The following C8orf82 variants were observed in gnomAD, a reference collection of about 807,000 sequenced individuals.
C8orf82 encodes the protein chromosome 8 open reading frame 82.
A neutral mutation model predicts 15.0 loss-of-function variants in C8orf82; 24 were observed. The observed-to-expected ratio is 1.60, with a 90% CI of 1.16 to 2.24. The LOEUF (loss-of-function observed/expected upper bound fraction) is 2.24, where lower values mean the gene tolerates loss of function less well. C8orf82 is among the 30% of genes most tolerant of loss of function. The pLI is 0.00. For synonymous variants in C8orf82, 205 were observed against 152.2 expected, an observed-to-expected ratio of 1.35 and a Z score of -2.55; for missense variants, 388 against 317.4, an observed-to-expected ratio of 1.22 and a Z score of -1.69.
At position 144,527,198 on chromosome 8, in the gene C8orf82, G is replaced by T. The variant is rs1816396987; in HGVS notation, c.*144C>A. ...AGGGCCGGGCCGCGGCAGCACCAAGGACAGCGCCGGGTGGGGGCGGGGCCG... is the reference window on the plus strand; with the variant it reads ...AGGGCCGGGCCGCGGCAGCACCAAGTACAGCGCCGGGTGGGGGCGGGGCCG... On this transcript the variant is annotated 3_prime_UTR_variant, in exon 3 of 3. Coordinates refer to ENST00000524821, the MANE Select transcript of C8orf82 (RefSeq NM_001001795.2). 1 of 490,784 alleles carries T rather than the reference G, an allele frequency of 2.0e-6. No individual in the cohort carries two copies. Among genetic ancestry groups the T allele is most frequent in the Non-Finnish European group, 2.9e-6 (1 of 348,220 alleles). The allele number at this position is 490,784 out of a possible 1,614,324, so 30.4% of individuals were successfully genotyped here. A position where few individuals can be genotyped will look rare whatever the true frequency, so the allele number is the denominator to read the frequency against.
Position 144,528,084 on chromosome 8 carries a change from G to A in C8orf82, c.157-12C>T, listed in dbSNP as rs750837185. The A allele has an allele frequency of 1.9e-6, 3 of 1,612,110 alleles. No individual in the cohort carries two copies. The highest frequency in any genetic ancestry group is 2.2e-5 in the East Asian group (1 of 44,888). The stretch of plus-strand genomic sequence containing the variant: ...TCATCCAGGAAAAGCTGCAGATAGA[G>A]GGCCAGGCCGTGATAAGTCCCAGCG... On this transcript the variant is annotated splice_polypyrimidine_tract_variant and intron_variant, in intron 1 of 2. Transcript: ENST00000524821.
chr8:144,527,634 G>A lies in C8orf82; in HGVS notation c.359C>T (p.Ala120Val), dbSNP rs911842996. 5.2e-6 allele frequency: 8 copies of A among 1,537,408 alleles called. No homozygotes were observed. In the Admixed American group the frequency reaches 1.4e-4, roughly 26 times the overall value. The change falls in exon 3 of 3, where the codon GCG becomes GTG. Residue 120 changes from alanine to valine, a missense_variant. By Grantham distance (64) the Ala-to-Val change is moderately conservative (BLOSUM62 0). Transcript: ENST00000524821. ...RPVVFTHLLTADHGPPRLSYC... is the reference protein window; with the variant it reads ...RPVVFTHLLTVDHGPPRLSYC... ...GGAGAGGCGCGGAGGCCCGTGGTCC[G>A]CGGTCAGCAGGTGCGTGAAGACCAC...
rs1160091044 is a variant in C8orf82 at position 144,526,592 on chromosome 8, TCACA to T, written c.*746_*749del. ...TAATCCGCTGGGCAGGGGCGGGGTG[TCACA>T]CGCAGGATTCCGCGACGACTGTCAC... On this transcript the variant is annotated 3_prime_UTR_variant, in exon 3 of 3. Transcript: ENST00000524821. 6.6e-6 allele frequency: 1 copy of T among 152,236 alleles called. No individual in the cohort carries two copies. Among genetic ancestry groups the T allele is most frequent in the Non-Finnish European group, 1.5e-5 (1 of 68,056 alleles). 9.4% of individuals were successfully genotyped at this position (152,236 alleles called of 1,614,324 possible). A position where few individuals can be genotyped will look rare whatever the true frequency, so the allele number is the denominator to read the frequency against.
Position 144,528,970 on chromosome 8 carries a change from G to C in C8orf82, c.-54C>G. ...GGTCACGCCGGGGGCGGTGCTGCGC[G>C]AACTCGCGCCTGCCCGCAGTAGCCC... On this transcript the variant is annotated 5_prime_UTR_variant, in exon 1 of 3. Transcript: ENST00000524821. 1 of 1,451,462 alleles carries C rather than the reference G, an allele frequency of 6.9e-7. No individual in the cohort carries two copies. Among genetic ancestry groups the C allele is most frequent in the East Asian group, 3.0e-5 (1 of 32,986 alleles). The allele number at this position is 1,451,462 out of a possible 1,614,324, so 89.9% of individuals were successfully genotyped here.
In C8orf82 at chr8:144,527,343, C is replaced by A; in HGVS notation, c.650G>T (p.Ter217LeuextTer151). The A allele has an allele frequency of 1.7e-6, 2 of 1,189,524 alleles. No homozygotes were observed. Among genetic ancestry groups the A allele is most frequent in the Non-Finnish European group, 2.1e-6 (2 of 958,162 alleles). The allele number at this position is 1,189,524 out of a possible 1,614,324, so 73.7% of individuals were successfully genotyped here. A position where few individuals can be genotyped will look rare whatever the true frequency, so the allele number is the denominator to read the frequency against. Residue 217 changes from the stop codon to leucine, a stop_lost, in exon 3 of 3, where the codon TGA (stop) becomes TTA (leucine). Transcript: ENST00000524821. ...APLLLAARSP[*>L] ...CTCCCGCCTTTCCCTTGGCCCCGCT[C>A]AGGGCGACCGAGCCGCGAGCAGCAG...
rs1816415329 is a variant in C8orf82 at position 144,527,541 on chromosome 8, T to C, written c.452A>G (p.Asn151Ser). 5.0e-6 allele frequency: 7 copies of C among 1,396,032 alleles called. No individual in the cohort carries two copies. The highest frequency in any genetic ancestry group is 5.5e-6 in the Non-Finnish European group (6 of 1,082,744). The allele number at this position is 1,396,032 out of a possible 1,614,324, so 86.5% of individuals were successfully genotyped here. The change falls in exon 3 of 3, where the codon AAC (asparagine) becomes AGC (serine). Residue 151 changes from asparagine to serine, a missense_variant. Physicochemically the swap from Asn to Ser is conservative, Grantham distance 46. Coordinates refer to ENST00000524821, the MANE Select transcript of C8orf82 (RefSeq NM_001001795.2). Reference protein sequence around the residue: ...EPARLLPLAANGRLYHPAPER... With the variant: ...EPARLLPLAASGRLYHPAPER... ...CGGCGCCGGGTGGTACAGGCGCCCG[T>C]TGGCGGCCAGGGGCAGCAGGCGCGC... is the stretch of plus-strand genomic sequence containing the variant.
intron 2 of C8orf82, 95 bp downstream of exon 2, chr8:144,527,929 C>T: frequency 6.6e-7 from 1 of 1,521,562 alleles, no homozygotes; most frequent in Non-Finnish European, 9.1e-7. Flanking sequence ...ACGCCCACTC[C>T]TTGGTGCGCT....
In C8orf82 at chr8:144,528,967, C is replaced by A. The variant is rs1816520163; in HGVS notation, c.-51G>T. 1.4e-6 allele frequency: 2 copies of A among 1,453,514 alleles called. No homozygotes were observed. Among genetic ancestry groups the A allele is most frequent in the Non-Finnish European group, 1.8e-6 (2 of 1,107,556 alleles). 90.0% of individuals were successfully genotyped at this position (1,453,514 alleles called of 1,614,324 possible). On this transcript the variant is annotated 5_prime_UTR_variant, in exon 1 of 3. Coordinates refer to ENST00000524821, the MANE Select transcript of C8orf82 (RefSeq NM_001001795.2). ...GCAGGTCACGCCGGGGGCGGTGCTG[C>A]GCGAACTCGCGCCTGCCCGCAGTAG... is the stretch of plus-strand genomic sequence containing the variant.
At position 144,525,946 on chromosome 8, in the gene C8orf82, G is replaced by A. The variant is rs577613106; in HGVS notation, c.*1396C>T. 3 of 152,168 alleles carry A rather than the reference G, an allele frequency of 2.0e-5. No homozygotes were observed. The highest frequency in any genetic ancestry group is 4.4e-5 in the Non-Finnish European group (3 of 68,032). 9.4% of individuals were successfully genotyped at this position (152,168 alleles called of 1,614,324 possible). A position where few individuals can be genotyped will look rare whatever the true frequency, so the allele number is the denominator to read the frequency against. ...ATACATGTACTTGTCGTAAAGAAAT[G>A]GGAAGGCTGGGGTCTGGTTTCAGGA... On this transcript the variant is annotated 3_prime_UTR_variant, in exon 3 of 3. Coordinates refer to ENST00000524821, the MANE Select transcript of C8orf82 (RefSeq NM_001001795.2).
At position 144,528,764 on chromosome 8, in the gene C8orf82, G is replaced by A; in HGVS notation, c.153C>T (p.Gly51=). ...REYFYYVDHQ[G]QLFLDDSKMK... ...CAACGGCCCTGCCCCCGCCCACCTG[G>A]CCCTGGTGGTCCACGTAGTAGAAAT... The change falls in exon 1 of 3, where the codon GGC becomes GGT. Residue 51 remains glycine (G), a synonymous_variant. Coordinates refer to ENST00000524821, the MANE Select transcript of C8orf82 (RefSeq NM_001001795.2). 1 of 1,201,424 alleles carries A rather than the reference G, an allele frequency of 8.3e-7. No individual in the cohort carries two copies. Among genetic ancestry groups the A allele is most frequent in the Admixed American group, 3.8e-5 (1 of 26,110 alleles). 74.4% of individuals were successfully genotyped at this position (1,201,424 alleles called of 1,614,324 possible). A position where few individuals can be genotyped will look rare whatever the true frequency, so the allele number is the denominator to read the frequency against.
rs2721144 is a variant in C8orf82, at chr8:144,528,200, C to T, written c.157-128G>A. 0.013 allele frequency: 19,799 copies of T among 1,510,306 alleles called. 1,938 individuals carry two copies. The African/African-American group carries it at 0.23, about 17-fold the overall frequency. 93.6% of individuals were successfully genotyped at this position (1,510,306 alleles called of 1,614,324 possible). On this transcript the variant is annotated intron_variant, in intron 1 of 2. Coordinates refer to ENST00000524821, the MANE Select transcript of C8orf82 (RefSeq NM_001001795.2). ...CACTTTTCCTGCTTGTCTGTGCACACCGCATGCAGGGAGGCGCGTGAAAGG... is the reference window on the plus strand; with the variant it reads ...CACTTTTCCTGCTTGTCTGTGCACATCGCATGCAGGGAGGCGCGTGAAAGG...
chr8:144,528,536 C>A (rs1467666194), intron 1 of C8orf82: 1 of 1,360,696 alleles, frequency 7.3e-7, no homozygotes, highest in South Asian at 1.5e-5. Context: ...GAGCCTCGGC[C>A]CGGACCGACC....
Position 144,525,929 on chromosome 8 carries a change from A to G in C8orf82, c.*1413T>C, listed in dbSNP as rs1316093567. The G allele has an allele frequency of 6.6e-6, 1 of 152,150 alleles. No homozygotes were observed. Among genetic ancestry groups the G allele is most frequent in the Admixed American group, 6.5e-5 (1 of 15,278 alleles). The allele number at this position is 152,150 out of a possible 1,614,324, so 9.4% of individuals were successfully genotyped here. The stretch of plus-strand genomic sequence containing the variant: ...GTTTGCTGGGGGACCATATACATGT[A>G]CTTGTCGTAAAGAAATGGGAAGGCT... On this transcript the variant is annotated 3_prime_UTR_variant, in exon 3 of 3. Transcript: ENST00000524821.
At chr8:144,528,526 G>A (rs1186089356) in intron 1 of C8orf82, 1 of 1,392,964 alleles carries the variant, frequency 7.2e-7, no homozygotes, top group East Asian at 2.7e-5. Context: ...GCCCATGTAG[G>A]AGCCTCGGCC....
Position 144,528,960 on chromosome 8 carries a change from G to T in C8orf82, c.-44C>A. 13 of 1,463,468 alleles carry T rather than the reference G, an allele frequency of 8.9e-6. No homozygotes were observed. Among genetic ancestry groups the T allele is most frequent in the Non-Finnish European group, 1.2e-5 (13 of 1,111,962 alleles). 90.7% of individuals were successfully genotyped at this position (1,463,468 alleles called of 1,614,324 possible). ...GCGACCAGCAGGTCACGCCGGGGGC[G>T]GTGCTGCGCGAACTCGCGCCTGCCC... On this transcript the variant is annotated 5_prime_UTR_variant, in exon 1 of 3. Coordinates refer to ENST00000524821, the MANE Select transcript of C8orf82 (RefSeq NM_001001795.2).
Position 144,527,143 on chromosome 8 carries a change from G to A in C8orf82, c.*199C>T, listed in dbSNP as rs186071534. Reference sequence around the variant, plus strand: ...GGCGCCGGAGTCGGGTGCGCGGGGGGCGCGCGCCGTGGGGAGCGGGGTGTC... The same window carrying A: ...GGCGCCGGAGTCGGGTGCGCGGGGGACGCGCGCCGTGGGGAGCGGGGTGTC... On this transcript the variant is annotated 3_prime_UTR_variant, in exon 3 of 3. Transcript: ENST00000524821. 3.2e-4 allele frequency: 78 copies of A among 242,862 alleles called. No individual in the cohort carries two copies. The highest frequency in any genetic ancestry group is 1.7e-3 in the African/African-American group (73 of 43,316). The allele number at this position is 242,862 out of a possible 1,614,324, so 15.0% of individuals were successfully genotyped here. A position where few individuals can be genotyped will look rare whatever the true frequency, so the allele number is the denominator to read the frequency against.
rs1418656176 is a variant in C8orf82 at position 144,528,018 on chromosome 8, CATT to C, written c.205+3_205+5del. The C allele has an allele frequency of 6.2e-7, 1 of 1,612,440 alleles. No individual in the cohort carries two copies. The highest frequency in any genetic ancestry group is 1.7e-5 in the Admixed American group (1 of 60,022). ...GAAGGGGCTGGAGAGGGAGGCACAG[CATT>C]ACCTTTGAAGCAGGTGATGAAATTC... On this transcript the variant is annotated splice_donor_5th_base_variant and intron_variant, in intron 2 of 2. Transcript: ENST00000524821.
At position 144,528,080 on chromosome 8, in the gene C8orf82, T is replaced by C. The variant is rs200978636; in HGVS notation, c.157-8A>G. 101 of 1,612,034 alleles carry C rather than the reference T, an allele frequency of 6.3e-5. No homozygotes were observed. Among genetic ancestry groups the C allele is most frequent in the Non-Finnish European group, 4.2e-6 (5 of 1,179,458 alleles). ...GGAATCATCCAGGAAAAGCTGCAGA[T>C]AGAGGGCCAGGCCGTGATAAGTCCC... On this transcript the variant is annotated splice_polypyrimidine_tract_variant and splice_region_variant and intron_variant, in intron 1 of 2. Transcript: ENST00000524821.
chr8:144,527,446 C>G lies in C8orf82; in HGVS notation c.547G>C (p.Gly183Arg), dbSNP rs1452711476. Residue 183 changes from glycine (G) to arginine (R), a missense_variant, in exon 3 of 3, where the codon GGG (glycine) becomes CGG (arginine). Physicochemically the swap from Gly to Arg is moderately radical, Grantham distance 125. Coordinates refer to ENST00000524821, the MANE Select transcript of C8orf82 (RefSeq NM_001001795.2). ...AFELSACFEY[G>R]PGAPALPSHV... ...GAGGGCAGCGCAGGCGCGCCGGGCCCGTACTCGAAGCAGGCGCTGAGCTCG... is the reference window on the plus strand; with the variant it reads ...GAGGGCAGCGCAGGCGCGCCGGGCCGGTACTCGAAGCAGGCGCTGAGCTCG... The G allele has an allele frequency of 4.8e-6, 6 of 1,240,878 alleles. No individual in the cohort carries two copies. The highest frequency in any genetic ancestry group is 6.1e-6 in the Non-Finnish European group (6 of 990,212). The allele number at this position is 1,240,878 out of a possible 1,614,324, so 76.9% of individuals were successfully genotyped here. A position where few individuals can be genotyped will look rare whatever the true frequency, so the allele number is the denominator to read the frequency against.
Sources: gnomAD v4.1 joint callset for allele counts on GRCh38, gnomAD v4.1.1 for gene constraint, MANE v1.5 for transcripts, NCBI Gene and HGNC (gene_info 2026-07-23, HGNC 2026-07-21) for gene names.